TMEM178B: variants seen among roughly 807,000 people sequenced by gnomAD.
The protein encoded by TMEM178B is transmembrane protein 178B.
In TMEM178B, 5 loss-of-function variants were observed where a neutral mutation model predicts 31.0. The ratio of observed to expected loss-of-function variants is 0.16; its 90% confidence interval spans 0.08 to 0.34. TMEM178B has a LOEUF of 0.34. Among genes scored for constraint, TMEM178B ranks in the 10% least tolerant of loss-of-function variants. TMEM178B has a pLI of 1.00. For missense variants in TMEM178B, 275 were observed against 400.3 expected, an observed-to-expected ratio of 0.69 and a Z score of 2.67; for synonymous variants, 164 against 164.0, an observed-to-expected ratio of 1.00 and a Z score of 0.00.
chr7:141,216,243 G>A lies in TMEM178B; in HGVS notation c.496+3539G>A, dbSNP rs528916132. On this transcript the variant is annotated intron_variant, in intron 2 of 3. Coordinates refer to ENST00000565468, the MANE Select transcript of TMEM178B (RefSeq NM_001195278.2). Reference sequence around the variant, plus strand: ...ACAATTTGGTTTAAAACTACATTGTGGTTTTTGAAAAGTTAAGCCTACCAA... The same window carrying A: ...ACAATTTGGTTTAAAACTACATTGTAGTTTTTGAAAAGTTAAGCCTACCAA... 1.6e-3 allele frequency among the ~76,000 whole-genome samples: 243 copies of A among 152,178 alleles called. 2 individuals are homozygous for A. Among genetic ancestry groups the A allele is most frequent in the African/African-American group, 5.7e-3 (236 of 41,530 alleles).
At chr7:141,145,202 G>C in intron 1 of TMEM178B, among the ~76,000 whole-genome samples, 1 of 152,130 alleles carries the variant, frequency 6.6e-6, no homozygotes, top group East Asian at 1.9e-4. Flanking sequence ...CTCAGGCCTT[G>C]GGCCATGCTG....
intron 1 of TMEM178B, among the ~76,000 whole-genome samples, chr7:141,109,435 G>T (rs533842403): frequency 6.6e-6 from 1 of 152,206 alleles, no homozygotes; most frequent in East Asian, 1.9e-4. Flanking sequence ...TTATGGAGGA[G>T]TTGCAGTTAT....
intron 2 of TMEM178B, among the ~76,000 whole-genome samples, chr7:141,275,347 T>C (rs1023146343): frequency 2.0e-5 from 3 of 152,180 alleles, no homozygotes; most frequent in Non-Finnish European, 4.4e-5. Flanking sequence ...AAAGTACTTA[T>C]AGCTGCAGTT....
intron 2 of TMEM178B, among the ~76,000 whole-genome samples, chr7:141,351,790 A>C (rs1799727711): frequency 6.6e-6 from 1 of 152,238 alleles, no homozygotes; most frequent in African/African-American, 2.4e-5. Flanking sequence ...CCAACTTCAG[A>C]TCACTGAACC....
intron 2 of TMEM178B, among the ~76,000 whole-genome samples, chr7:141,347,353 T>G (rs1799638195): frequency 6.6e-6 from 1 of 151,984 alleles, no homozygotes; most frequent in Admixed American, 6.6e-5. Flanking sequence ...GACTCTAAAG[T>G]TAGGGTGTAA....
At chr7:141,134,294 G>C (rs1400121365) in intron 1 of TMEM178B, among the ~76,000 whole-genome samples, 1 of 151,828 alleles carries the variant, frequency 6.6e-6, no homozygotes, top group South Asian at 2.1e-4. Context: ...ACAATGTGCA[G>C]AAAGGGGGGA....
chr7:141,302,503 A>G (rs962154715), intron 2 of TMEM178B, among the ~76,000 whole-genome samples: 2 of 152,124 alleles, frequency 1.3e-5, no homozygotes, highest in Admixed American at 1.3e-4. Context: ...GGAAAGAGGG[A>G]ATGGGCAGTT....
At position 141,478,524 on chromosome 7, in the gene TMEM178B, T is replaced by C. The variant is rs1802414467; in HGVS notation, c.*7738T>C. 6.6e-6 allele frequency: 1 copy of C among 152,198 alleles called. No individual in the cohort carries two copies. Among genetic ancestry groups the C allele is most frequent in the Non-Finnish European group, 1.5e-5 (1 of 68,026 alleles). The allele number at this position is 152,198 out of a possible 1,614,324, so 9.4% of individuals were successfully genotyped here. A position where few individuals can be genotyped will look rare whatever the true frequency, so the allele number is the denominator to read the frequency against. ...CAATGGAACCATGATCCAAGCCACATATGCAATTTAAAATATTCTAGTAGC... is the reference window on the plus strand; with the variant it reads ...CAATGGAACCATGATCCAAGCCACACATGCAATTTAAAATATTCTAGTAGC... On this transcript the variant is annotated 3_prime_UTR_variant, in exon 4 of 4. Coordinates refer to ENST00000565468, the MANE Select transcript of TMEM178B (RefSeq NM_001195278.2).
At chr7:141,459,084 C>T (rs566456026) in intron 3 of TMEM178B, among the ~76,000 whole-genome samples, 15 of 152,328 alleles carry the variant, frequency 9.8e-5, no homozygotes, top group African/African-American at 3.1e-4. Context: ...GGCTCGTGTG[C>T]AATGGCGTGA....
intron 2 of TMEM178B, among the ~76,000 whole-genome samples, chr7:141,406,570 A>G (rs940596322): frequency 6.6e-6 from 1 of 152,240 alleles, no homozygotes; most frequent in Non-Finnish European, 1.5e-5. Context: ...ATTACTATGC[A>G]TATATGCTGG....
At chr7:141,285,921 A>G (rs1345165323) in intron 2 of TMEM178B, among the ~76,000 whole-genome samples, 3 of 152,172 alleles carry the variant, frequency 2.0e-5, no homozygotes, top group Non-Finnish European at 4.4e-5. Context: ...GGAGGGGAAC[A>G]TCACACTCCA....
chr7:141,372,594 A>G (rs1357006924), intron 2 of TMEM178B, among the ~76,000 whole-genome samples: 1 of 152,176 alleles, frequency 6.6e-6, no homozygotes, highest in African/African-American at 2.4e-5. Flanking sequence ...CCAGGGGACA[A>G]TCACATAGAA....
At chr7:141,269,076 T>C (rs1798138622) in intron 2 of TMEM178B, among the ~76,000 whole-genome samples, 1 of 150,322 alleles carries the variant, frequency 6.7e-6, no homozygotes, top group African/African-American at 2.4e-5. Flanking sequence ...ATGATTTCTG[T>C]TTGTTTCCTA....
chr7:141,222,712 G>A (rs979378718), intron 2 of TMEM178B, among the ~76,000 whole-genome samples: 4 of 152,168 alleles, frequency 2.6e-5, no homozygotes, highest in Non-Finnish European at 5.9e-5. Context: ...CCTTGTATGT[G>A]GCTGTTTGTC....
intron 1 of TMEM178B, among the ~76,000 whole-genome samples, chr7:141,128,793 A>G (rs943613384): frequency 2.6e-5 from 4 of 152,186 alleles, no homozygotes; most frequent in Admixed American, 6.5e-5. Context: ...GGAGAGTAGA[A>G]GCCAGGCCAC....
intron 2 of TMEM178B, among the ~76,000 whole-genome samples, chr7:141,236,453 AGGGGCACTGGGG>A (rs1178932697): frequency 6.6e-6 from 1 of 152,202 alleles, no homozygotes; most frequent in African/African-American, 2.4e-5. Context: ...GGAGGTAAGC[AGGGGCACTGGGG>A]CACTTTCTCT....
At chr7:141,140,285 G>A (rs894505841) in intron 1 of TMEM178B, among the ~76,000 whole-genome samples, 3 of 152,126 alleles carry the variant, frequency 2.0e-5, no homozygotes, top group Non-Finnish European at 4.4e-5. Context: ...CTCCTTACAC[G>A]ACTCAGACCT....
intron 1 of TMEM178B, among the ~76,000 whole-genome samples, chr7:141,125,596 C>T (rs1294595872): frequency 6.6e-6 from 1 of 151,344 alleles, no homozygotes; most frequent in Non-Finnish European, 1.5e-5. Context: ...AGGAGAATTG[C>T]CTGAACCCAG....
intron 2 of TMEM178B, among the ~76,000 whole-genome samples, chr7:141,328,242 C>T (rs1348911653): frequency 6.6e-6 from 1 of 152,180 alleles, no homozygotes; most frequent in African/African-American, 2.4e-5. Flanking sequence ...GAGAGGAATG[C>T]CAGCTGGAGT....
Sources: allele counts gnomAD v4.1 joint callset (sites outside exome capture counted in the v4.1 genomes callset), GRCh38; gene constraint gnomAD v4.1.1; transcripts MANE v1.5; gene names NCBI Gene and HGNC (gene_info 2026-07-23, HGNC 2026-07-21).